The following STPG2 variants were observed in gnomAD, a reference collection of about 807,000 sequenced individuals.
STPG2 encodes sperm-tail PG-rich repeat-containing protein 2.
STPG2 carries 56 observed loss-of-function variants against 54.2 expected under a neutral mutation model. That is an observed-to-expected ratio of 1.03 (90% confidence interval 0.83 to 1.29). The LOEUF (loss-of-function observed/expected upper bound fraction) is 1.29. STPG2 is among the 50% of genes most tolerant of loss of function. STPG2 has a pLI of 0.00. For missense variants in STPG2, 596 were observed against 544.9 expected, an observed-to-expected ratio of 1.09 and a Z score of -0.93; for synonymous variants, 200 against 181.8, an observed-to-expected ratio of 1.10 and a Z score of -0.81.
chr4:97,807,743 T>C (rs1727615580), intron 9 of STPG2, among the ~76,000 whole-genome samples: 1 of 151,702 alleles, frequency 6.6e-6, no homozygotes, highest in Non-Finnish European at 1.5e-5. Context: ...CTAAGAACTT[T>C]CTAAAACTGG....
chr4:98,132,436 T>C (rs1449552712), intron 2 of STPG2, among the ~76,000 whole-genome samples: 2 of 152,062 alleles, frequency 1.3e-5, no homozygotes, highest in East Asian at 3.8e-4. Context: ...ATTTAAAATA[T>C]AAACGTACTG....
intron 5 of STPG2, among the ~76,000 whole-genome samples, chr4:98,024,405 C>T (rs1736345250): frequency 6.6e-6 from 1 of 152,150 alleles, no homozygotes; most frequent in Non-Finnish European, 1.5e-5. Flanking sequence ...ACATAACACC[C>T]TTCCATAACA....
At chr4:98,057,388 A>G (rs1330556556) in intron 5 of STPG2, among the ~76,000 whole-genome samples, 1 of 152,242 alleles carries the variant, frequency 6.6e-6, no homozygotes, top group Non-Finnish European at 1.5e-5. Context: ...GCTGAAAAAC[A>G]CACTACAAAA....
intron 5 of STPG2, among the ~76,000 whole-genome samples, chr4:98,088,612 C>T (rs1025638425): frequency 7.0e-6 from 1 of 142,082 alleles, no homozygotes; most frequent in Non-Finnish European, 1.5e-5. Flanking sequence ...AATTAGCAAA[C>T]GGTAAATAAT....
At chr4:97,816,763 TTTTC>T (rs1206801356) in intron 9 of STPG2, among the ~76,000 whole-genome samples, 43 of 151,258 alleles carry the variant, frequency 2.8e-4, no homozygotes, top group African/African-American at 1.0e-3. Context: ...TTTCTTTTTC[TTTTC>T]TTTTCTTTTT....
At chr4:97,650,296 A>ATAGATGTC (rs1722028807) in intron 10 of STPG2, among the ~76,000 whole-genome samples, 2 of 152,146 alleles carry the variant, frequency 1.3e-5, no homozygotes, top group Non-Finnish European at 2.9e-5. Flanking sequence ...AGAAGACCAA[A>ATAGATGTC]TAGATGTCGA....
intron 10 of STPG2, among the ~76,000 whole-genome samples, chr4:97,651,108 T>A (rs532810666): frequency 1.3e-5 from 2 of 152,198 alleles, no homozygotes; most frequent in Admixed American, 1.3e-4. Context: ...GACACTCCCA[T>A]CACTTTTTCC....
intron 8 of STPG2, among the ~76,000 whole-genome samples, chr4:97,932,680 C>A (rs1377731408): frequency 6.6e-6 from 1 of 152,050 alleles, no homozygotes; most frequent in Non-Finnish European, 1.5e-5. Context: ...TCCATGCACC[C>A]GCAAAGGACA....
intron 4 of STPG2, among the ~76,000 whole-genome samples, chr4:97,495,191 A>G (rs1261761315): frequency 1.3e-5 from 2 of 151,504 alleles, no homozygotes; most frequent in Admixed American, 1.3e-4. Flanking sequence ...CATTTTGTAC[A>G]TAGAATATTT....
intron 9 of STPG2, among the ~76,000 whole-genome samples, chr4:97,760,109 A>T (rs1383756529): frequency 6.6e-6 from 1 of 152,208 alleles, no homozygotes; most frequent in Non-Finnish European, 1.5e-5. Context: ...CTTTCATGTT[A>T]ATCTATTGAT....
intron 10 of STPG2, among the ~76,000 whole-genome samples, chr4:97,666,242 C>T (rs1000456641): frequency 6.6e-6 from 1 of 152,286 alleles, no homozygotes; most frequent in South Asian, 2.1e-4. Flanking sequence ...CTCCATGAAC[C>T]ATGCAGCCCC....
chr4:97,997,202 T>A (rs1735268408), intron 5 of STPG2, among the ~76,000 whole-genome samples: 1 of 152,194 alleles, frequency 6.6e-6, no homozygotes, highest in African/African-American at 2.4e-5. Context: ...TGCCCATCAG[T>A]AGTGGACTGG....
intron 10 of STPG2, among the ~76,000 whole-genome samples, chr4:97,604,803 T>C (rs1331611053): frequency 6.6e-6 from 1 of 151,774 alleles, no homozygotes. Context: ...AAACCAAACA[T>C]ACTAAGTATC....
intron 9 of STPG2, among the ~76,000 whole-genome samples, chr4:97,836,032 G>A (rs1046013450): frequency 6.6e-6 from 1 of 152,028 alleles, no homozygotes; most frequent in African/African-American, 2.4e-5. Flanking sequence ...TGGTGAAGAT[G>A]CTGTGAACAC....
chr4:97,562,572 G>A (rs187940547), intron 10 of STPG2, among the ~76,000 whole-genome samples: 10 of 152,288 alleles, frequency 6.6e-5, no homozygotes, highest in African/African-American at 2.4e-4. Flanking sequence ...GATATTGGCT[G>A]TGGGTTTGTC....
rs184892588 is a variant in STPG2 at position 97,877,886 on chromosome 4, C to T, written c.1045-36954G>A. 5.9e-5 allele frequency among the ~76,000 whole-genome samples: 9 copies of T among 152,264 alleles called. No individual in the cohort carries two copies. In the East Asian group the frequency reaches 1.7e-3, roughly 29 times the overall value. ...AAGTCTCATCTGAGACAAGGCGATC[C>T]CTTCCACCTACGAGCCTGTAAAATT... On this transcript the variant is annotated intron_variant, in intron 8 of 10. Coordinates refer to ENST00000295268, the MANE Select transcript of STPG2 (RefSeq NM_174952.3).
intron 10 of STPG2, among the ~76,000 whole-genome samples, chr4:97,662,670 TACAAATTAATG>T (rs1319636720): frequency 3.3e-5 from 5 of 152,104 alleles, no homozygotes; most frequent in African/African-American, 1.2e-4. Context: ...CATGGAATAC[TACAAATTAATG>T]CAGGAACAGC....
Position 98,036,112 on chromosome 4 carries a change from T to A in STPG2, c.613-54794A>T, listed in dbSNP as rs1736771706. On this transcript the variant is annotated intron_variant, in intron 5 of 10. Coordinates refer to ENST00000295268, the MANE Select transcript of STPG2 (RefSeq NM_174952.3). Reference sequence around the variant, plus strand: ...AGTATAATAAAAATAAATAAATTTTTAAAAACACAATACTCAAAAAAAGAG... The same window carrying A: ...AGTATAATAAAAATAAATAAATTTTAAAAAACACAATACTCAAAAAAAGAG... Among the ~76,000 whole-genome samples the A allele has an allele frequency of 1.3e-5, 2 of 151,748 alleles. 1 individual carries two copies. The highest frequency in any genetic ancestry group is 4.2e-4 in the South Asian group (2 of 4,814).
At chr4:97,499,817 G>C (rs1730686473) in intron 4 of STPG2, among the ~76,000 whole-genome samples, 3 of 152,136 alleles carry the variant, frequency 2.0e-5, no homozygotes, top group South Asian at 2.1e-4. Flanking sequence ...GGGCAGGCGT[G>C]AGAAACAGCC....
Sources: allele counts gnomAD v4.1 joint callset (sites outside exome capture counted in the v4.1 genomes callset), GRCh38; gene constraint gnomAD v4.1.1; transcripts MANE v1.5; gene names NCBI Gene and HGNC (gene_info 2026-07-23, HGNC 2026-07-21).